The following AOAH variants were observed in gnomAD, a reference collection of about 807,000 sequenced individuals.
The protein encoded by AOAH is acyloxyacyl hydrolase (neutrophil).
In AOAH, 64 loss-of-function variants were observed where a neutral mutation model predicts 92.2. The observed-to-expected ratio is 0.69, with a 90% CI of 0.57 to 0.86. The LOEUF (loss-of-function observed/expected upper bound fraction) is 0.86, where lower values mean the gene tolerates loss of function less well. AOAH is among the 40% of genes least tolerant of loss of function. The pLI is 0.00. For synonymous variants in AOAH, 263 were observed against 254.5 expected, an observed-to-expected ratio of 1.03 and a Z score of -0.32; for missense variants, 656 against 694.6, an observed-to-expected ratio of 0.94 and a Z score of 0.62.
At chr7:36,540,192 T>G (rs1785325413) in intron 16 of AOAH, 127 bp downstream of exon 16, 1 of 907,050 alleles carries the variant, frequency 1.1e-6, no homozygotes, top group Non-Finnish European at 1.6e-6. Flanking sequence ...GCTCTTGCCT[T>G]TATCAACCCT....
intron 6 of AOAH, among the ~76,000 whole-genome samples, chr7:36,628,400 T>A (rs371663624): frequency 6.6e-6 from 1 of 152,220 alleles, no homozygotes; most frequent in East Asian, 1.9e-4. Flanking sequence ...TCCATGGTCA[T>A]AGCCTGATAG....
intron 4 of AOAH, among the ~76,000 whole-genome samples, chr7:36,646,731 T>C (rs1359174016): frequency 6.6e-6 from 1 of 152,164 alleles, no homozygotes; most frequent in East Asian, 1.9e-4. Context: ...CCTCTTCTAG[T>C]TTTTAGTGGT....
At position 36,522,091 on chromosome 7, in the gene AOAH, C is replaced by T. The variant is rs780137978; in HGVS notation, c.1547G>A (p.Gly516Asp). The T allele has an allele frequency of 6.2e-6, 10 of 1,614,080 alleles. No homozygotes were observed. The East Asian group carries it at 2.2e-4, about 36-fold the overall frequency. Residue 516 changes from glycine (G) to aspartate (D), a missense_variant, in exon 20 of 21, where the codon GGC (glycine) becomes GAC (aspartate). Coordinates refer to ENST00000617537, the MANE Select transcript of AOAH (RefSeq NM_001637.4). Reference sequence around the variant, plus strand: ...CTCGATGAGCTGCCAGGGCTGTCCGCCTCTCTTCTGCCACTCCTGTATGAC... The same window carrying T: ...CTCGATGAGCTGCCAGGGCTGTCCGTCTCTCTTCTGCCACTCCTGTATGAC... ...HEIIQEWQKR[G>D]GQPWQLIEPV...
intron 13 of AOAH, among the ~76,000 whole-genome samples, chr7:36,556,492 T>A (rs964808649): frequency 1.3e-5 from 2 of 152,018 alleles, no homozygotes; most frequent in African/African-American, 4.8e-5. Flanking sequence ...TGTAGATGTT[T>A]ATTAGGTCCA....
At chr7:36,698,306 G>A (rs192971303) in intron 1 of AOAH, among the ~76,000 whole-genome samples, 76 of 151,948 alleles carry the variant, frequency 5.0e-4, no homozygotes, top group South Asian at 1.0e-3. Context: ...TGATTTTGAT[G>A]GTAGCTTTAT....
chr7:36,520,311 C>A (rs1035740319), intron 20 of AOAH, among the ~76,000 whole-genome samples: 7 of 152,200 alleles, frequency 4.6e-5, no homozygotes, highest in African/African-American at 1.7e-4. Context: ...GTTCCTGATA[C>A]TTTACATGGC....
chr7:36,719,581 T>C (rs1799486576), intron 1 of AOAH, among the ~76,000 whole-genome samples: 2 of 152,286 alleles, frequency 1.3e-5, no homozygotes, highest in South Asian at 4.1e-4. Flanking sequence ...TATCCTTTTA[T>C]GATCAAGGTA....
intron 5 of AOAH, among the ~76,000 whole-genome samples, chr7:36,637,220 A>T (rs1461202495): frequency 6.6e-6 from 1 of 152,064 alleles, no homozygotes; most frequent in Non-Finnish European, 1.5e-5. Context: ...ATGATAACTA[A>T]CTCACATTTA....
At chr7:36,629,487 CT>C (rs1792919117) in intron 6 of AOAH, among the ~76,000 whole-genome samples, 1 of 152,138 alleles carries the variant, frequency 6.6e-6, no homozygotes, top group Non-Finnish European at 1.5e-5. Flanking sequence ...CTGGCTGCAT[CT>C]CAGTCTTCCA....
intron 11 of AOAH, among the ~76,000 whole-genome samples, chr7:36,608,913 G>GTT (rs889997268): frequency 1.1e-4 from 13 of 116,372 alleles, no homozygotes; most frequent in Non-Finnish European, 1.9e-4. Flanking sequence ...GGCGGGGAGG[G>GTT]GGGGGGGTCT....
chr7:36,596,165 C>CCCG (rs1790095833), intron 11 of AOAH, among the ~76,000 whole-genome samples: 1 of 129,202 alleles, frequency 7.7e-6, no homozygotes, highest in African/African-American at 3.4e-5. Flanking sequence ...AAATGAAAGC[C>CCCG]CCCCCACCCC....
intron 2 of AOAH, among the ~76,000 whole-genome samples, chr7:36,681,488 G>T (rs4304243): frequency 0.25 from 38,057 of 151,950 alleles, 5,603 homozygotes; most frequent in African/African-American, 0.42. Flanking sequence ...ATGGAAAGAT[G>T]GTGGTGGAGG....
At chr7:36,549,779 GA>G (rs1286275527) in intron 13 of AOAH, among the ~76,000 whole-genome samples, 1 of 151,868 alleles carries the variant, frequency 6.6e-6, no homozygotes, top group African/African-American at 2.4e-5. Context: ...GTAGATGTGA[GA>G]AAAAAAGTAT....
At chr7:36,574,532 C>T (rs900037014) in intron 13 of AOAH, among the ~76,000 whole-genome samples, 2 of 152,172 alleles carry the variant, frequency 1.3e-5, no homozygotes, top group African/African-American at 4.8e-5. Flanking sequence ...AAAGTGATGT[C>T]GACTTTGCAC....
At position 36,570,933 on chromosome 7, in the gene AOAH, C is replaced by T. The variant is rs1014892504; in HGVS notation, c.1021+5641G>A. Among the ~76,000 whole-genome samples, 9 of 152,280 alleles carry T rather than the reference C, an allele frequency of 5.9e-5. No individual in the cohort carries two copies. The East Asian group carries it at 1.2e-3, about 20-fold the overall frequency. On this transcript the variant is annotated intron_variant, in intron 13 of 20. Transcript: ENST00000617537. ...TGCGAAGCAGAGGCTGAGCTAATAT[C>T]GGCCCCATGTGGCTTCTGTTCCCCA...
At chr7:36,631,964 C>T in intron 6 of AOAH, 72 bp downstream of exon 6, 1 of 1,211,912 alleles carries the variant, frequency 8.3e-7, no homozygotes, top group Non-Finnish European at 1.2e-6. Flanking sequence ...TCATTTTGGT[C>T]ATTAGAAAAG....
At chr7:36,713,909 T>G (rs1027195983) in intron 1 of AOAH, among the ~76,000 whole-genome samples, 1 of 151,892 alleles carries the variant, frequency 6.6e-6, no homozygotes, top group Non-Finnish European at 1.5e-5. Flanking sequence ...ACATCACAAT[T>G]AAAAGAACTA....
chr7:36,571,883 T>C (rs1034343587), intron 13 of AOAH, among the ~76,000 whole-genome samples: 3 of 152,230 alleles, frequency 2.0e-5, no homozygotes, highest in African/African-American at 7.2e-5. Flanking sequence ...CTTAAAAATT[T>C]TTGAAGTTGA....
intron 1 of AOAH, among the ~76,000 whole-genome samples, chr7:36,723,165 G>C (rs1397645470): frequency 6.6e-6 from 1 of 152,042 alleles, no homozygotes; most frequent in African/African-American, 2.4e-5. Flanking sequence ...CTCAAGCTAG[G>C]ATTGTATTTT....
Sources: gnomAD v4.1 joint callset for allele counts (sites outside exome capture counted in the v4.1 genomes callset) on GRCh38, gnomAD v4.1.1 for gene constraint, MANE v1.5 for transcripts, NCBI Gene and HGNC (gene_info 2026-07-23, HGNC 2026-07-21) for gene names.